AK4: variants seen among roughly 807,000 people sequenced by gnomAD.
The protein encoded by AK4 is adenylate kinase 4, also known as adenylate kinase 4, mitochondrial.
In AK4, 13 loss-of-function variants were observed where a neutral mutation model predicts 24.6. The ratio of observed to expected loss-of-function variants is 0.53; its 90% CI spans 0.34 to 0.84. The LOEUF is 0.84. AK4 is among the 40% of genes least tolerant of loss of function. The probability of loss-of-function intolerance (pLI) is 0.01; values close to 1 mark genes in which losing one functional copy is unlikely to be tolerated. For synonymous variants in AK4, 88 were observed against 107.0 expected (o/e 0.82, Z 1.10); for missense variants, 192 against 288.2 (o/e 0.67, Z 2.42).
intron 2 of AK4, among the ~76,000 whole-genome samples, chr1:65,204,744 T>C (rs138968190): frequency 6.6e-6 from 1 of 152,192 alleles, no homozygotes; most frequent in Admixed American, 6.5e-5. Context: ...TCCTTTAACC[T>C]CCTCTTACCC....
chr1:65,197,410 G>T (rs1034867824), intron 2 of AK4, among the ~76,000 whole-genome samples: 2 of 152,100 alleles, frequency 1.3e-5, no homozygotes, highest in Non-Finnish European at 2.9e-5. Context: ...TTAAATTTTG[G>T]AATTGTAAAT....
At chr1:65,223,180 T>G (rs1020460885) in intron 3 of AK4, among the ~76,000 whole-genome samples, 1 of 151,928 alleles carries the variant, frequency 6.6e-6, no homozygotes, top group East Asian at 1.9e-4. Context: ...AATGTTATTT[T>G]TTATTTTTTA....
chr1:65,180,275 C>A (rs572853754), intron 1 of AK4, among the ~76,000 whole-genome samples: 10 of 152,184 alleles, frequency 6.6e-5, no homozygotes, highest in African/African-American at 2.4e-4. Context: ...TGGTAAAACC[C>A]CGTGTCTACT....
At chr1:65,224,903 A>G (rs2101095742) in intron 4 of AK4, 33 bp downstream of exon 4, 2 of 1,554,540 alleles carry the variant, frequency 1.3e-6, no homozygotes, top group African/African-American at 1.4e-5. Flanking sequence ...ATGACAAAGG[A>G]CAGACTGGAA....
chr1:65,157,409 G>T (rs1650018658), intron 1 of AK4, among the ~76,000 whole-genome samples: 1 of 152,188 alleles, frequency 6.6e-6, no homozygotes, highest in Non-Finnish European at 1.5e-5. Context: ...ATGCAAAGAG[G>T]TGAAACAAGG....
At chr1:65,188,668 C>T (rs1254176627) in intron 1 of AK4, among the ~76,000 whole-genome samples, 1 of 151,436 alleles carries the variant, frequency 6.6e-6, no homozygotes, top group Non-Finnish European at 1.5e-5. Context: ...TTAGTAGAGA[C>T]GGGGTTTCAC....
chr1:65,230,581 G>A lies in AK4; in HGVS notation c.*4404G>A, dbSNP rs1009124728. The A allele has an allele frequency of 2.6e-5, 4 of 152,104 alleles. No individual in the cohort carries two copies. Among genetic ancestry groups the A allele is most frequent in the Admixed American group, 6.5e-5 (1 of 15,268 alleles). 9.4% of individuals were successfully genotyped at this position (152,104 alleles called of 1,614,324 possible). A position where few individuals can be genotyped will look rare whatever the true frequency, so the allele number is the denominator to read the frequency against. On this transcript the variant is annotated 3_prime_UTR_variant, in exon 5 of 5. Coordinates refer to ENST00000327299, the MANE Select transcript of AK4 (RefSeq NM_013410.4). ...ATTACATATGTAATAATCTAAACTT[G>A]CCTCCTTGTATTATAAATGGAAATA...
chr1:65,168,182 T>C (rs1404725087), intron 1 of AK4, among the ~76,000 whole-genome samples: 1 of 149,094 alleles, frequency 6.7e-6, no homozygotes, highest in African/African-American at 2.5e-5. Flanking sequence ...AGTTTTGCTC[T>C]TGTTGCCCAG....
At chr1:65,207,232 TTCTTGCCTCTA>T (rs2101066094) in intron 2 of AK4, among the ~76,000 whole-genome samples, 2 of 152,268 alleles carry the variant, frequency 1.3e-5, no homozygotes, top group South Asian at 4.1e-4. Context: ...CCTACCTCCC[TTCTTGCCTCTA>T]TCTTGCCCTG....
chr1:65,203,420 A>G (rs1265929691), intron 2 of AK4, among the ~76,000 whole-genome samples: 3 of 152,196 alleles, frequency 2.0e-5, no homozygotes, highest in African/African-American at 7.2e-5. Context: ...ATAATAACTT[A>G]CTGAGAAACT....
At chr1:65,210,250 C>T (rs983007929) in intron 2 of AK4, among the ~76,000 whole-genome samples, 1 of 152,114 alleles carries the variant, frequency 6.6e-6, no homozygotes, top group Admixed American at 6.5e-5. Context: ...TAGCCTATCC[C>T]CAGGGCCTCT....
chr1:65,190,978 A>G (rs1200406358), intron 2 of AK4, 149 bp downstream of exon 2: 6 of 1,036,684 alleles, frequency 5.8e-6, no homozygotes, highest in Admixed American at 6.9e-5. Context: ...CATGATAGGA[A>G]CCCATTGTGG....
intron 1 of AK4, among the ~76,000 whole-genome samples, chr1:65,181,428 G>A (rs1650903897): frequency 6.8e-6 from 1 of 146,422 alleles, no homozygotes; most frequent in African/African-American, 2.5e-5. Flanking sequence ...ACAGAGTCTC[G>A]CTCTGTTGCC....
rs551744390 is a variant in AK4 at position 65,153,198 on chromosome 1, G to C, written c.145+4646G>C. Among the ~76,000 whole-genome samples the C allele has an allele frequency of 3.3e-5, 5 of 152,288 alleles. No individual in the cohort carries two copies. In the South Asian group the frequency reaches 1.0e-3, roughly 32 times the overall value. On this transcript the variant is annotated intron_variant, in intron 1 of 4. Transcript: ENST00000327299. ...AGAACACTATTTGTGACTTGAATAA[G>C]GCATTCCATGACAGTAAGTCTGCCT...
intron 1 of AK4, among the ~76,000 whole-genome samples, chr1:65,156,794 T>G (rs1185887205): frequency 6.6e-6 from 1 of 151,970 alleles, no homozygotes; most frequent in Non-Finnish European, 1.5e-5. Flanking sequence ...TGGTGGCACA[T>G]GCCTGTAATC....
intron 1 of AK4, among the ~76,000 whole-genome samples, chr1:65,172,063 G>GTATATATA (rs3051712): frequency 0.011 from 717 of 65,610 alleles, 35 homozygotes; most frequent in Non-Finnish European, 0.019. Flanking sequence ...TCCATCTCAA[G>GTATATATA]TATATATATA....
chr1:65,222,416 C>T (rs868648845), intron 3 of AK4, among the ~76,000 whole-genome samples: 1 of 152,140 alleles, frequency 6.6e-6, no homozygotes, highest in African/African-American at 2.4e-5. Flanking sequence ...AAGAGAAAAG[C>T]CTTACTGAGG....
chr1:65,168,409 G>A (rs1650404086), intron 1 of AK4, among the ~76,000 whole-genome samples: 1 of 152,110 alleles, frequency 6.6e-6, no homozygotes, highest in Non-Finnish European at 1.5e-5. Context: ...GCCTCCCAAA[G>A]TGCTGGGATT....
At position 65,195,706 on chromosome 1, in the gene AK4, T is replaced by C. The variant is rs78070428; in HGVS notation, c.265+4877T>C. ...AAGAGGGGCAAAGTGAGCAAATATATGTAAAGTGCTTAAAAGAGTGCTTGC... is the reference window on the plus strand; with the variant it reads ...AAGAGGGGCAAAGTGAGCAAATATACGTAAAGTGCTTAAAAGAGTGCTTGC... On this transcript the variant is annotated intron_variant, in intron 2 of 4. Coordinates refer to ENST00000327299, the MANE Select transcript of AK4 (RefSeq NM_013410.4). Among the ~76,000 whole-genome samples, 300 of 152,290 alleles carry C rather than the reference T, an allele frequency of 2.0e-3. 4 individuals are homozygous for C. The East Asian group carries it at 0.052, about 26-fold the overall frequency.
Sources: gnomAD v4.1 joint callset for allele counts (sites outside exome capture counted in the v4.1 genomes callset) on GRCh38, gnomAD v4.1.1 for gene constraint, MANE v1.5 for transcripts, NCBI Gene and HGNC (gene_info 2026-07-23, HGNC 2026-07-21) for gene names.